The following GLCE variants were observed in gnomAD, a reference collection of about 807,000 sequenced individuals.
The protein encoded by GLCE is glucuronic acid epimerase, also known as D-glucuronyl C5-epimerase.
In GLCE, 19 loss-of-function variants were observed where a neutral mutation model predicts 47.9. The observed-to-expected ratio is 0.40, with a 90% CI of 0.28 to 0.58. The LOEUF (loss-of-function observed/expected upper bound fraction) is 0.58. Among genes scored for constraint, GLCE ranks in the 20% least tolerant of loss-of-function variants. The probability of loss-of-function intolerance (pLI) is 0.48; values close to 1 mark genes in which losing one functional copy is unlikely to be tolerated. For missense variants in GLCE, 556 were observed against 743.3 expected, an observed-to-expected ratio of 0.75 and a Z score of 2.93; for synonymous variants, 245 against 263.4, an observed-to-expected ratio of 0.93 and a Z score of 0.68.
chr15:69,220,094 T>G (rs1448962633), intron 2 of GLCE, among the ~76,000 whole-genome samples: 1 of 152,164 alleles, frequency 6.6e-6, no homozygotes, highest in Non-Finnish European at 1.5e-5. Flanking sequence ...TGTATGTATA[T>G]ACCACATTTT....
At chr15:69,198,846 T>C (rs969998364) in intron 1 of GLCE, among the ~76,000 whole-genome samples, 1 of 152,110 alleles carries the variant, frequency 6.6e-6, no homozygotes, top group African/African-American at 2.4e-5. Context: ...TGAACCACCA[T>C]GCTTGGCCAA....
At chr15:69,243,699 TAAAC>T (rs993146322) in intron 2 of GLCE, among the ~76,000 whole-genome samples, 2 of 152,136 alleles carry the variant, frequency 1.3e-5, no homozygotes, top group Non-Finnish European at 2.9e-5. Context: ...TGCCAGAAAT[TAAAC>T]TAAGTAGAAA....
chr15:69,210,527 A>G (rs2052216775), intron 2 of GLCE, 121 bp downstream of exon 2: 2 of 152,164 alleles, frequency 1.3e-5, no homozygotes, highest in Non-Finnish European at 2.9e-5. Flanking sequence ...TTATACCAAT[A>G]CTATGCATTT....
rs138289809 is a variant in GLCE, at chr15:69,177,239, T to G, written c.-105+16482T>G. On this transcript the variant is annotated intron_variant, in intron 1 of 4. Transcript: ENST00000261858. ...TCACCACGCCCAGCTAATTTTTGTA[T>G]TTTTAGTAGAGACAGAGTTTTGCCA... Among the ~76,000 whole-genome samples the G allele has an allele frequency of 9.8e-3, 1,454 of 149,110 alleles. 13 individuals are homozygous for G. Among genetic ancestry groups the G allele is most frequent in the Non-Finnish European group, 0.017 (1,111 of 66,952 alleles).
At chr15:69,225,235 C>T (rs2052430046) in intron 2 of GLCE, among the ~76,000 whole-genome samples, 1 of 151,678 alleles carries the variant, frequency 6.6e-6, no homozygotes, top group Non-Finnish European at 1.5e-5. Flanking sequence ...ATCTGCCCTA[C>T]AGTTGGCATA....
intron 2 of GLCE, among the ~76,000 whole-genome samples, chr15:69,215,575 T>C (rs1007302875): frequency 6.6e-6 from 1 of 152,060 alleles, no homozygotes; most frequent in Non-Finnish European, 1.5e-5. Context: ...TCTGTGTGTG[T>C]GTATACATAA....
chr15:69,206,036 T>C (rs2052147166), intron 1 of GLCE, among the ~76,000 whole-genome samples: 1 of 152,086 alleles, frequency 6.6e-6, no homozygotes, highest in African/African-American at 2.4e-5. Context: ...GATTTTCCAC[T>C]GGGTCTCCTG....
At chr15:69,172,609 A>G (rs1227810096) in intron 1 of GLCE, among the ~76,000 whole-genome samples, 1 of 152,100 alleles carries the variant, frequency 6.6e-6, no homozygotes, top group Non-Finnish European at 1.5e-5. Flanking sequence ...TCTTAACGAT[A>G]TCTTTTTAGA....
chr15:69,254,502 G>T (rs752212978), intron 2 of GLCE, among the ~76,000 whole-genome samples: 1 of 152,152 alleles, frequency 6.6e-6, no homozygotes, highest in Non-Finnish European at 1.5e-5. Context: ...AGACCAGTTT[G>T]AATATAACTG....
At chr15:69,193,167 T>C (rs1382630681) in intron 1 of GLCE, among the ~76,000 whole-genome samples, 1 of 152,026 alleles carries the variant, frequency 6.6e-6, no homozygotes, top group East Asian at 1.9e-4. Context: ...TAGGTTCTTA[T>C]GAGGTTACCT....
chr15:69,248,363 A>G (rs1016117311), intron 2 of GLCE, among the ~76,000 whole-genome samples: 1 of 152,222 alleles, frequency 6.6e-6, no homozygotes, highest in South Asian at 2.1e-4. Flanking sequence ...AAATCGGCCA[A>G]TATACAGCAT....
intron 1 of GLCE, among the ~76,000 whole-genome samples, chr15:69,166,151 G>A (rs1420795517): frequency 1.3e-5 from 2 of 152,186 alleles, no homozygotes; most frequent in Admixed American, 1.3e-4. Flanking sequence ...GAAAATGATA[G>A]TAGCTGATGT....
chr15:69,232,263 T>C (rs2052535541), intron 2 of GLCE, among the ~76,000 whole-genome samples: 1 of 152,246 alleles, frequency 6.6e-6, no homozygotes, highest in Admixed American at 6.5e-5. Context: ...GAGAGTATGG[T>C]AGAATAGTCA....
At chr15:69,218,149 CA>C (rs773040702) in intron 2 of GLCE, among the ~76,000 whole-genome samples, 951 of 54,602 alleles carry the variant, frequency 0.017, 6 homozygotes, top group African/African-American at 0.028. Flanking sequence ...GAGACTGTCT[CA>C]AAAAAAAAAA....
chr15:69,218,149 C>CAAAA (rs773040702), intron 2 of GLCE, among the ~76,000 whole-genome samples: 3 of 54,598 alleles, frequency 5.5e-5, no homozygotes, highest in African/African-American at 2.1e-4. Context: ...GAGACTGTCT[C>CAAAA]AAAAAAAAAA....
intron 1 of GLCE, among the ~76,000 whole-genome samples, chr15:69,189,510 A>T (rs1381815537): frequency 6.6e-6 from 1 of 152,168 alleles, no homozygotes; most frequent in East Asian, 1.9e-4. Flanking sequence ...AAACATAAGG[A>T]CATACGTTTT....
intron 1 of GLCE, among the ~76,000 whole-genome samples, chr15:69,164,185 T>C (rs1267867587): frequency 2.0e-5 from 3 of 152,172 alleles, no homozygotes; most frequent in Admixed American, 1.3e-4. Flanking sequence ...ATCTGATAGA[T>C]ATATTTTGCT....
chr15:69,166,869 G>A (rs186659750), intron 1 of GLCE, among the ~76,000 whole-genome samples: 165 of 128,956 alleles, frequency 1.3e-3, no homozygotes, highest in African/African-American at 4.5e-3. Flanking sequence ...GCAGTGAGCC[G>A]AGATTGTCCA....
chr15:69,220,067 G>A (rs1437852855), intron 2 of GLCE, among the ~76,000 whole-genome samples: 1 of 151,990 alleles, frequency 6.6e-6, no homozygotes, highest in East Asian at 1.9e-4. Flanking sequence ...TCTTTTTAAG[G>A]CTGAAAAATA....
Sources: gnomAD v4.1 joint callset for allele counts (sites outside exome capture counted in the v4.1 genomes callset) on GRCh38, gnomAD v4.1.1 for gene constraint, MANE v1.5 for transcripts, NCBI Gene and HGNC (gene_info 2026-07-23, HGNC 2026-07-21) for gene names.